The following SCFD1 variants were observed in gnomAD, a reference collection of about 807,000 sequenced individuals.
SCFD1 encodes the protein sec1 family domain-containing protein 1.
In SCFD1, 37 loss-of-function variants were observed where a neutral mutation model predicts 103.2. The ratio of observed to expected loss-of-function variants is 0.36; its 90% confidence interval spans 0.28 to 0.47. The LOEUF is 0.47. Ranked by LOEUF, SCFD1 falls within the 20% of genes least tolerant of loss-of-function variation. SCFD1 has a pLI of 1.00. For missense variants in SCFD1, 639 were observed against 761.2 expected, an observed-to-expected ratio of 0.84 and a Z score of 1.89; for synonymous variants, 264 against 245.0, an observed-to-expected ratio of 1.08 and a Z score of -0.73.
At position 30,638,109 on chromosome 14, in the gene SCFD1, T is replaced by G. The variant is rs2139037221; in HGVS notation, c.313-16T>G. 6.3e-7 allele frequency: 1 copy of G among 1,576,512 alleles called. No homozygotes were observed. ...TTCTTTATCCTATAAGAATAAAGTT[T>G]TCATTGTATTGATAGGATCTTCGAA... is the stretch of plus-strand genomic sequence containing the variant. On this transcript the variant is annotated splice_polypyrimidine_tract_variant and intron_variant, in intron 4 of 24. Transcript: ENST00000458591.
intron 17 of SCFD1, among the ~76,000 whole-genome samples, chr14:30,704,238 C>G (rs4981768): frequency 0.025 from 3,778 of 151,898 alleles, 95 homozygotes; most frequent in South Asian, 0.065. Flanking sequence ...TGCAGTGATA[C>G]AATCATAGCT....
At position 30,628,077 on chromosome 14, in the gene SCFD1, A is replaced by C. The variant is rs537260217; in HGVS notation, c.62-132A>C. 9 of 607,642 alleles carry C rather than the reference A, an allele frequency of 1.5e-5. 1 individual carries two copies. Among genetic ancestry groups the C allele is most frequent in the Non-Finnish European group, 2.6e-5 (9 of 343,840 alleles). The allele number at this position is 607,642 out of a possible 1,614,324, so 37.6% of individuals were successfully genotyped here. A position where few individuals can be genotyped will look rare whatever the true frequency, so the allele number is the denominator to read the frequency against. ...CAAGATCTGACCCCTAGTTCTACAC[A>C]TATAGTCATTTGGTTAATCAGTTTT... On this transcript the variant is annotated intron_variant, in intron 1 of 24. Transcript: ENST00000458591.
intron 1 of SCFD1, among the ~76,000 whole-genome samples, chr14:30,627,110 AC>A (rs1883548269): frequency 6.6e-6 from 1 of 152,104 alleles, no homozygotes; most frequent in Admixed American, 6.5e-5. Context: ...CAACTAGTAT[AC>A]TCTCTTGAAT....
intron 9 of SCFD1, 89 bp from the exon 10 acceptor site, chr14:30,653,400 A>G (rs1886588117): frequency 5.0e-6 from 4 of 802,624 alleles, no homozygotes; most frequent in African/African-American, 3.5e-5. Context: ...ATTCATATCA[A>G]AATGGCATAT....
chr14:30,705,639 AAAT>A (rs937400201), intron 17 of SCFD1, among the ~76,000 whole-genome samples, 181 bp from the exon 18 acceptor site: 5 of 152,258 alleles, frequency 3.3e-5, no homozygotes, highest in Admixed American at 1.3e-4. Context: ...TTGTCTCAAA[AAAT>A]AATAATAATA....
intron 3 of SCFD1, among the ~76,000 whole-genome samples, 189 bp from the exon 4 acceptor site, chr14:30,633,758 G>T (rs1414359819): frequency 6.6e-6 from 1 of 152,036 alleles, no homozygotes; most frequent in Non-Finnish European, 1.5e-5. Flanking sequence ...AAGAAATTAG[G>T]GTCTTACTAA....
intron 6 of SCFD1, among the ~76,000 whole-genome samples, chr14:30,642,722 T>C (rs1357871703): frequency 6.6e-6 from 1 of 152,236 alleles, no homozygotes; most frequent in Admixed American, 6.5e-5. Context: ...ATGATATTTA[T>C]TTTCCTTTTT....
At chr14:30,654,963 G>A (rs1219906892) in intron 10 of SCFD1, among the ~76,000 whole-genome samples, 1 of 152,118 alleles carries the variant, frequency 6.6e-6, no homozygotes, top group African/African-American at 2.4e-5. Flanking sequence ...TGGGAGAGGA[G>A]GAATTCAGTT....
chr14:30,665,104 G>C lies in SCFD1; in HGVS notation c.856-5152G>C, dbSNP rs149786924. Among the ~76,000 whole-genome samples the C allele has an allele frequency of 8.9e-3, 1,354 of 152,076 alleles. 23 individuals are homozygous for C. The highest frequency in any genetic ancestry group is 0.03 in the African/African-American group (1,259 of 41,370). On this transcript the variant is annotated intron_variant, in intron 10 of 24. Coordinates refer to ENST00000458591, the MANE Select transcript of SCFD1 (RefSeq NM_016106.4). ...GACACATAATTGTCAGATTCACCAA[G>C]GTGAAATGAAGGAAAAAATGTTAAG... is the stretch of plus-strand genomic sequence containing the variant.
intron 19 of SCFD1, 91 bp downstream of exon 19, chr14:30,708,156 T>TACTTGAATAAATC: frequency 3.7e-6 from 3 of 806,174 alleles, no homozygotes; most frequent in Non-Finnish European, 6.3e-6. Flanking sequence ...CTGGATTTAT[T>TACTTGAATAAATC]CAAGTAATAA....
intron 23 of SCFD1, among the ~76,000 whole-genome samples, chr14:30,724,334 C>T (rs1002756294): frequency 1.4e-5 from 2 of 144,112 alleles, no homozygotes; most frequent in African/African-American, 2.6e-5. Flanking sequence ...CTCACAGCGA[C>T]GTCTGCCTCC....
intron 10 of SCFD1, among the ~76,000 whole-genome samples, chr14:30,661,626 C>T (rs1420261990): frequency 6.6e-6 from 1 of 152,022 alleles, no homozygotes; most frequent in Admixed American, 6.6e-5. Context: ...ATTGATGTCT[C>T]CGTAAGAAAT....
chr14:30,729,476 T>C (rs1364711184), intron 23 of SCFD1, among the ~76,000 whole-genome samples: 2 of 152,228 alleles, frequency 1.3e-5, no homozygotes, highest in African/African-American at 4.8e-5. Flanking sequence ...AATGGTTTTT[T>C]GGCAACCTTG....
At chr14:30,697,207 A>T (rs1890763022) in intron 15 of SCFD1, among the ~76,000 whole-genome samples, 1 of 152,124 alleles carries the variant, frequency 6.6e-6, no homozygotes, top group African/African-American at 2.4e-5. Flanking sequence ...CTGATTCCAG[A>T]GGTGGGGCAG....
At chr14:30,627,186 C>G (rs1883557959) in intron 1 of SCFD1, among the ~76,000 whole-genome samples, 1 of 152,140 alleles carries the variant, frequency 6.6e-6, no homozygotes, top group Non-Finnish European at 1.5e-5. Context: ...AACACTGTTA[C>G]AGATGAGTGA....
In SCFD1 at chr14:30,694,701, T is replaced by G. The variant is rs533859740; in HGVS notation, c.1243-72T>G. The G allele has an allele frequency of 9.3e-4, 1,383 of 1,483,696 alleles. 1 individual carries two copies. The highest frequency in any genetic ancestry group is 1.2e-3 in the Non-Finnish European group (1,311 of 1,122,494). 91.9% of individuals were successfully genotyped at this position (1,483,696 alleles called of 1,614,324 possible). On this transcript the variant is annotated intron_variant, in intron 14 of 24. Transcript: ENST00000458591. Reference sequence around the variant, plus strand: ...AAAATTGATCATAGAAAATAGAAACTTATAAGGTGAGTAGATCATTATGTA... The same window carrying G: ...AAAATTGATCATAGAAAATAGAAACGTATAAGGTGAGTAGATCATTATGTA...
Position 30,630,570 on chromosome 14 carries a change from GT to G in SCFD1, c.221+10del. On this transcript the variant is annotated splice_donor_region_variant and intron_variant, in intron 3 of 24. Coordinates refer to ENST00000458591, the MANE Select transcript of SCFD1 (RefSeq NM_016106.4). ...CATGGGAATCACTCTGCATCTGTGA[GT>G]TTTTACATATTTCTAATAGTGGTAT... 6.7e-7 allele frequency: 1 copy of G among 1,489,798 alleles called. No homozygotes were observed. Among genetic ancestry groups the G allele is most frequent in the Non-Finnish European group, 9.3e-7 (1 of 1,069,596 alleles). 92.3% of individuals were successfully genotyped at this position (1,489,798 alleles called of 1,614,324 possible). A position where few individuals can be genotyped will look rare whatever the true frequency, so the allele number is the denominator to read the frequency against.
intron 14 of SCFD1, 101 bp from the exon 15 acceptor site, chr14:30,694,672 T>C (rs886301619): frequency 3.6e-6 from 5 of 1,403,044 alleles, no homozygotes; most frequent in Non-Finnish European, 3.7e-6. Context: ...AAAGAACATA[T>C]CTTAAAATTG....
At chr14:30,699,426 T>A (rs1890922850) in intron 15 of SCFD1, among the ~76,000 whole-genome samples, 1 of 152,182 alleles carries the variant, frequency 6.6e-6, no homozygotes. Context: ...TTATCACCTT[T>A]CCACCAAAGT....
Sources: gnomAD v4.1 joint callset for allele counts (sites outside exome capture counted in the v4.1 genomes callset) on GRCh38, gnomAD v4.1.1 for gene constraint, MANE v1.5 for transcripts, NCBI Gene and HGNC (gene_info 2026-07-23, HGNC 2026-07-21) for gene names.